ADD2: variants seen among roughly 807,000 people sequenced by gnomAD.
The protein encoded by ADD2 is adducin 2.
Under a neutral mutation model 83.0 loss-of-function variants are expected in ADD2, and 23 were observed. That is an observed-to-expected ratio of 0.28 (90% CI 0.20 to 0.39). ADD2 has a LOEUF of 0.39. Among genes scored for constraint, ADD2 ranks in the 10% least tolerant of loss-of-function variants. ADD2 has a pLI of 1.00. For missense variants in ADD2, 758 were observed against 944.9 expected, an observed-to-expected ratio of 0.80 and a Z score of 2.59; for synonymous variants, 375 against 375.4, an observed-to-expected ratio of 1.00 and a Z score of 0.01.
chr2:70,726,047 C>A (rs966946490), intron 1 of ADD2, among the ~76,000 whole-genome samples: 3 of 151,542 alleles, frequency 2.0e-5, no homozygotes, highest in Admixed American at 2.0e-4. Flanking sequence ...ATTAGCCGGG[C>A]GTAGTGGCAG....
chr2:70,761,777 T>C (rs1675117146), intron 1 of ADD2, among the ~76,000 whole-genome samples: 1 of 150,616 alleles, frequency 6.6e-6, no homozygotes, highest in Admixed American at 6.6e-5. Context: ...GTTCATGCCA[T>C]TCTCCTGCCT....
intron 4 of ADD2, among the ~76,000 whole-genome samples, chr2:70,700,749 T>C (rs1412344569): frequency 6.6e-6 from 1 of 152,102 alleles, no homozygotes; most frequent in African/African-American, 2.4e-5. Context: ...GAATGGGATG[T>C]TATCTCATCT....
chr2:70,738,425 C>T (rs782764767), intron 1 of ADD2, among the ~76,000 whole-genome samples: 18 of 152,164 alleles, frequency 1.2e-4, no homozygotes, highest in Admixed American at 9.2e-4. Flanking sequence ...TTCATATAGG[C>T]ACTTGTCTTT....
chr2:70,766,995 G>A (rs910728402), intron 1 of ADD2, among the ~76,000 whole-genome samples: 13 of 152,170 alleles, frequency 8.5e-5, no homozygotes, highest in African/African-American at 3.1e-4. Flanking sequence ...TTTTGGGCAA[G>A]AGATGGAGAT....
chr2:70,685,952 C>T (rs1266441797), intron 9 of ADD2, among the ~76,000 whole-genome samples: 2 of 152,220 alleles, frequency 1.3e-5, no homozygotes, highest in African/African-American at 4.8e-5. Context: ...TTTCCTGGAA[C>T]CCCAAATTGA....
rs1381522722 is a variant in ADD2, at chr2:70,662,757, C to A, written c.*668G>T. The A allele has an allele frequency of 2.0e-5, 3 of 152,334 alleles. No homozygotes were observed. The highest frequency in any genetic ancestry group is 4.4e-5 in the Non-Finnish European group (3 of 68,162). 9.4% of individuals were successfully genotyped at this position (152,334 alleles called of 1,614,324 possible). ...CCCAATCCTCAGCTTACATGGCTTG[C>A]CCCTATGCCTACCACCTCTTATAGC... On this transcript the variant is annotated 3_prime_UTR_variant, in exon 16 of 16. Transcript: ENST00000264436.
intron 1 of ADD2, among the ~76,000 whole-genome samples, chr2:70,760,275 T>C (rs1303362075): frequency 6.6e-6 from 1 of 152,160 alleles, no homozygotes; most frequent in Non-Finnish European, 1.5e-5. Flanking sequence ...GACACATGCA[T>C]ACGTCTGCCT....
intron 1 of ADD2, among the ~76,000 whole-genome samples, chr2:70,735,106 T>C (rs963098932): frequency 1.3e-5 from 2 of 152,214 alleles, no homozygotes; most frequent in Admixed American, 6.5e-5. Flanking sequence ...CCTAGTGCTT[T>C]TTCCAACTGT....
intron 7 of ADD2, among the ~76,000 whole-genome samples, chr2:70,692,105 G>C (rs368073661): frequency 1.3e-5 from 2 of 152,318 alleles, no homozygotes; most frequent in East Asian, 3.9e-4. Context: ...GCCTGGCTTC[G>C]TGGGGGCAGG....
chr2:70,682,402 C>A (rs1670504568), intron 10 of ADD2, among the ~76,000 whole-genome samples: 1 of 152,128 alleles, frequency 6.6e-6, no homozygotes, highest in East Asian at 1.9e-4. Flanking sequence ...TGCATTTTCA[C>A]TGTGGATTGT....
At chr2:70,675,462 C>T in intron 13 of ADD2, 1 of 985,500 alleles carries the variant, frequency 1.0e-6, no homozygotes, top group Non-Finnish European at 1.2e-6. Flanking sequence ...GGTTTTGCCA[C>T]CTCTGTGGAG....
At chr2:70,752,855 G>A (rs1674580342) in intron 1 of ADD2, among the ~76,000 whole-genome samples, 1 of 152,208 alleles carries the variant, frequency 6.6e-6, no homozygotes, top group Admixed American at 6.5e-5. Context: ...TATTGGAAAT[G>A]CAAACTCTCA....
At chr2:70,666,071 C>T (rs1439018964) in intron 15 of ADD2, among the ~76,000 whole-genome samples, 7 of 152,190 alleles carry the variant, frequency 4.6e-5, no homozygotes, top group African/African-American at 1.7e-4. Context: ...ACCTTGGCCT[C>T]CCAAAGTGCT....
chr2:70,659,344 A>G lies in ADD2; in HGVS notation c.*4081T>C, dbSNP rs1354610413. The G allele has an allele frequency of 3.3e-5, 5 of 152,190 alleles. No individual in the cohort carries two copies. Among genetic ancestry groups the G allele is most frequent in the Admixed American group, 2.0e-4 (3 of 15,280 alleles). 9.4% of individuals were successfully genotyped at this position (152,190 alleles called of 1,614,324 possible). A position where few individuals can be genotyped will look rare whatever the true frequency, so the allele number is the denominator to read the frequency against. The stretch of plus-strand genomic sequence containing the variant: ...GCAATCAAAGAAGTGGATTTATAGC[A>G]TTTTCCCCCACACTAGCAGTAGCCC... On this transcript the variant is annotated 3_prime_UTR_variant, in exon 16 of 16. Coordinates refer to ENST00000264436, the MANE Select transcript of ADD2 (RefSeq NM_001617.4).
At chr2:70,703,822 A>T (rs1380095944) in intron 4 of ADD2, among the ~76,000 whole-genome samples, 2 of 152,260 alleles carry the variant, frequency 1.3e-5, no homozygotes, top group African/African-American at 2.4e-5. Context: ...TTAAGAACAC[A>T]GTAGAATGAT....
At chr2:70,692,660 C>A in intron 6 of ADD2, 108 bp from the exon 7 acceptor site, 1 of 1,219,312 alleles carries the variant, frequency 8.2e-7, no homozygotes, top group South Asian at 1.7e-5. Context: ...TTCACACATT[C>A]CAGACACCAT....
At position 70,676,185 on chromosome 2, in the gene ADD2, C is replaced by T; in HGVS notation, c.1593+611G>A. ...AGCAGCAGTGATTTCAAACACATGC[C>T]AGAATTCTGAACTTCACCCCTTTTG... On this transcript the variant is annotated intron_variant, in intron 13 of 15. Transcript: ENST00000264436. This position sits in a 1 kb window ranked among gnomAD's most constrained non-coding sequence, Gnocchi z 4.8. The T allele has an allele frequency of 1.0e-6, 1 of 985,708 alleles. No individual in the cohort carries two copies. Among genetic ancestry groups the T allele is most frequent in the Non-Finnish European group, 1.2e-6 (1 of 830,146 alleles). 61.1% of individuals were successfully genotyped at this position (985,708 alleles called of 1,614,324 possible).
intron 1 of ADD2, among the ~76,000 whole-genome samples, chr2:70,734,559 A>G (rs1199351850): frequency 1.3e-5 from 2 of 152,178 alleles, no homozygotes; most frequent in African/African-American, 4.8e-5. Context: ...GAAGACCCCA[A>G]TGTCACTACT....
intron 9 of ADD2, among the ~76,000 whole-genome samples, chr2:70,684,965 A>G (rs1306768695): frequency 6.6e-6 from 1 of 152,100 alleles, no homozygotes; most frequent in Non-Finnish European, 1.5e-5. Flanking sequence ...CATTCTATTT[A>G]CCCTCATGTA....
Sources: allele counts gnomAD v4.1 joint callset (sites outside exome capture counted in the v4.1 genomes callset), GRCh38; gene constraint gnomAD v4.1.1; non-coding constraint Gnocchi (gnomAD v3.1); transcripts MANE v1.5; gene names NCBI Gene and HGNC (gene_info 2026-07-23, HGNC 2026-07-21).